Variants in ALS2CL observed in about 807,000 individuals in gnomAD.
ALS2CL encodes the protein ALS2 C-terminal like, also known as ALS2 C-terminal-like protein.
Under a neutral mutation model 127.9 loss-of-function variants are expected in ALS2CL, and 112 were observed. That is an observed-to-expected ratio of 0.88 (90% CI 0.75 to 1.02). The LOEUF (loss-of-function observed/expected upper bound fraction) is 1.02, where lower values mean the gene tolerates loss of function less well. Among genes scored for constraint, ALS2CL ranks in the 50% least tolerant of loss-of-function variants. ALS2CL has a pLI of 0.00. For synonymous variants in ALS2CL, 519 were observed against 527.6 expected (o/e 0.98, Z 0.22); for missense variants, 1,174 against 1,236.7 (o/e 0.95, Z 0.76).
In ALS2CL at chr3:46,682,110, G is replaced by A. The variant is rs369201148; in HGVS notation, c.1110-16C>T. The A allele has an allele frequency of 9.3e-6, 15 of 1,613,146 alleles. No homozygotes were observed. Among genetic ancestry groups the A allele is most frequent in the Admixed American group, 6.7e-5 (4 of 59,910 alleles). On this transcript the variant is annotated splice_polypyrimidine_tract_variant and intron_variant, in intron 10 of 25. Coordinates refer to ENST00000318962, the MANE Select transcript of ALS2CL (RefSeq NM_147129.5). ...CAGGGTTCCCCTGGAACACAGTGGA[G>A]GTTCACGAGCCTCAGGCCTACCCAC...
chr3:46,687,116 C>A lies in ALS2CL; in HGVS notation c.401G>T (p.Arg134Leu). Reference protein sequence around the residue: ...EYWRGQRKALRQLLSGVSSEG... With the variant: ...EYWRGQRKALLQLLSGVSSEG... ...TGAGCTCACACCTGAAAGCAGCTGCCGCAGCGCCTTCCGCTGGCCCCGCCA... is the reference window on the plus strand; with the variant it reads ...TGAGCTCACACCTGAAAGCAGCTGCAGCAGCGCCTTCCGCTGGCCCCGCCA... Residue 134 changes from arginine (R) to leucine (L), a missense_variant, in exon 5 of 26, where the codon CGG (arginine) becomes CTG (leucine). Physicochemically the swap from Arg to Leu is moderately radical, Grantham distance 102. Transcript: ENST00000318962. 1 of 1,562,028 alleles carries A rather than the reference C, an allele frequency of 6.4e-7. No individual in the cohort carries two copies. The highest frequency in any genetic ancestry group is 8.6e-7 in the Non-Finnish European group (1 of 1,161,512).
At chr3:46,683,746 C>T (rs748346298) in intron 9 of ALS2CL, 36 bp downstream of exon 9, 2 of 1,610,102 alleles carry the variant, frequency 1.2e-6, no homozygotes, top group Non-Finnish European at 1.7e-6. Flanking sequence ...TGTCCTCTGA[C>T]CCCGCTCCCG....
rs7426833 is a variant in ALS2CL, at chr3:46,687,414, C to G, written c.368+205G>C. Reference sequence around the variant, plus strand: ...CGCCCCAAGGCCAGCCCAGCTAGAGCGGGTCTGGATTCTGTTCCTGGCCTC... The same window carrying G: ...CGCCCCAAGGCCAGCCCAGCTAGAGGGGGTCTGGATTCTGTTCCTGGCCTC... On this transcript the variant is annotated intron_variant, in intron 4 of 25. Transcript: ENST00000318962. Among the ~76,000 whole-genome samples the G allele has an allele frequency of 6.6e-5, 10 of 152,216 alleles. No homozygotes were observed. The East Asian group carries it at 1.4e-3, about 21-fold the overall frequency.
At chr3:46,688,321 G>C (rs1295120822) in intron 2 of ALS2CL, 25 bp from the exon 3 acceptor site, 2 of 1,604,900 alleles carry the variant, frequency 1.2e-6, no homozygotes, top group African/African-American at 2.7e-5. Context: ...CAGTCACACT[G>C]TGAGTAGAGG....
intron 10 of ALS2CL, among the ~76,000 whole-genome samples, chr3:46,682,565 C>T (rs1699438497): frequency 6.6e-6 from 1 of 152,202 alleles, no homozygotes; most frequent in Non-Finnish European, 1.5e-5. Flanking sequence ...CCCTTCTGCT[C>T]TCTGGGTCTG....
intron 1 of ALS2CL, among the ~76,000 whole-genome samples, chr3:46,692,354 C>A (rs1262898334): frequency 6.6e-6 from 1 of 151,932 alleles, no homozygotes; most frequent in Non-Finnish European, 1.5e-5. Flanking sequence ...GTACCCCCCT[C>A]CCCAACCCCT....
intron 19 of ALS2CL, 116 bp downstream of exon 19, chr3:46,676,129 G>A (rs2106698409): frequency 6.8e-7 from 1 of 1,466,616 alleles, no homozygotes; most frequent in Non-Finnish European, 9.1e-7. Flanking sequence ...CAAGCCTCTG[G>A]TTCATTGTTG....
chr3:46,681,123 G>T lies in ALS2CL; in HGVS notation c.1436+123C>A. The T allele has an allele frequency of 1.4e-6, 2 of 1,457,944 alleles. No homozygotes were observed. Among genetic ancestry groups the T allele is most frequent in the Non-Finnish European group, 1.9e-6 (2 of 1,045,828 alleles). The allele number at this position is 1,457,944 out of a possible 1,614,324, so 90.3% of individuals were successfully genotyped here. On this transcript the variant is annotated intron_variant, in intron 13 of 25. Transcript: ENST00000318962. This position sits in a 1 kb window ranked among gnomAD's most constrained non-coding sequence, Gnocchi z 4.9. ...CCGCAGCAACCGAGGGACTGGAGGG[G>T]AAGTGAGGGGCTTAAGAGAGACACA... is the stretch of plus-strand genomic sequence containing the variant.
intron 2 of ALS2CL, 88 bp downstream of exon 2, chr3:46,689,250 T>A (rs1237037093): frequency 7.4e-7 from 1 of 1,352,702 alleles, no homozygotes; most frequent in Non-Finnish European, 1.0e-6. Context: ...GAGAAAGCTG[T>A]GGCTCAGCAA....
Position 46,686,298 on chromosome 3 carries a change from C to T in ALS2CL, c.666+10G>A, listed in dbSNP as rs1436399205. ...CCCCTCCCTAACTGCCCCTCAGGCC[C>T]CCAACTCACCCTCAGCCGGCCTCTC... On this transcript the variant is annotated intron_variant, in intron 6 of 25. Coordinates refer to ENST00000318962, the MANE Select transcript of ALS2CL (RefSeq NM_147129.5). This position sits in a 1 kb window ranked among gnomAD's most constrained non-coding sequence, Gnocchi z 4.3. 1 of 1,603,722 alleles carries T rather than the reference C, an allele frequency of 6.2e-7. No homozygotes were observed. The highest frequency in any genetic ancestry group is 1.3e-5 in the African/African-American group (1 of 74,626).
At chr3:46,673,304 G>T in intron 22 of ALS2CL, 35 bp downstream of exon 22, 1 of 1,551,630 alleles carries the variant, frequency 6.4e-7, no homozygotes. Flanking sequence ...GGACCTCTGG[G>T]GGCCCCTGGC....
rs563905307 is a variant in ALS2CL at position 46,677,093 on chromosome 3, G to A, written c.1758-71C>T. The A allele has an allele frequency of 2.6e-3, 3,980 of 1,517,852 alleles. 9 individuals carry two copies. The highest frequency in any genetic ancestry group is 3.2e-3 in the Non-Finnish European group (3,626 of 1,139,914). 94.0% of individuals were successfully genotyped at this position (1,517,852 alleles called of 1,614,324 possible). ...GCTGAGGTAGGCAGGACTCTGCCCA[G>A]GCCCTTGGAGGGGTGGGGGTATGAG... On this transcript the variant is annotated intron_variant, in intron 16 of 25. Transcript: ENST00000318962.
chr3:46,687,010 C>G lies in ALS2CL; in HGVS notation c.507G>C (p.Leu169=), dbSNP rs567180666. ...AHHVQQYVLL[L]LSLGDTIGEH... ...CCCCAATGGTGTCCCCGAGGCTCAGCAGGAGGAGCACGTACTGTTGCACGT... is the reference window on the plus strand; with the variant it reads ...CCCCAATGGTGTCCCCGAGGCTCAGGAGGAGGAGCACGTACTGTTGCACGT... Residue 169 remains leucine (L), a synonymous_variant, in exon 5 of 26, where the codon CTG becomes CTC. Transcript: ENST00000318962. 1.4e-5 allele frequency: 22 copies of G among 1,602,354 alleles called. No individual in the cohort carries two copies. Among genetic ancestry groups the G allele is most frequent in the South Asian group, 4.4e-5 (4 of 90,152 alleles).
chr3:46,687,254 C>G, intron 4 of ALS2CL, 106 bp from the exon 5 acceptor site: 2 of 1,299,088 alleles, frequency 1.5e-6, no homozygotes, highest in Non-Finnish European at 2.0e-6. Flanking sequence ...CAGGGCCAGC[C>G]CCAGGCCCAA....
rs560489794 is a variant in ALS2CL at position 46,686,280 on chromosome 3, C to T, written c.666+28G>A. 4.0e-5 allele frequency: 63 copies of T among 1,585,066 alleles called. No homozygotes were observed. In the South Asian group the frequency reaches 7.0e-4, roughly 18 times the overall value. On this transcript the variant is annotated intron_variant, in intron 6 of 25. Coordinates refer to ENST00000318962, the MANE Select transcript of ALS2CL (RefSeq NM_147129.5). This position sits in a 1 kb window ranked among gnomAD's most constrained non-coding sequence, Gnocchi z 4.3. ...CCATGCCCAATGTGGAACCCCCTCC[C>T]TAACTGCCCCTCAGGCCCCCAACTC...
At chr3:46,675,806 G>A (rs1035008793) in intron 19 of ALS2CL, 120 bp from the exon 20 acceptor site, 7 of 1,537,246 alleles carry the variant, frequency 4.6e-6, no homozygotes, top group Non-Finnish European at 6.1e-6. Flanking sequence ...GGCCTGCAGG[G>A]TTCATCCTCT....
intron 1 of ALS2CL, among the ~76,000 whole-genome samples, chr3:46,689,678 G>A (rs1700039783): frequency 6.6e-6 from 1 of 152,234 alleles, no homozygotes; most frequent in African/African-American, 2.4e-5. Flanking sequence ...CTGAAGGAGA[G>A]AGAGAGCTCA....
At chr3:46,671,650 A>G in intron 24 of ALS2CL, 66 bp from the exon 25 acceptor site, 1 of 1,610,542 alleles carries the variant, frequency 6.2e-7, no homozygotes, top group South Asian at 1.1e-5. Flanking sequence ...GCGGACAGGC[A>G]GCTGGGGAAG....
chr3:46,670,238 CT>C lies in ALS2CL; in HGVS notation c.*745del, dbSNP rs1466784552. 6.6e-6 allele frequency: 1 copy of C among 152,290 alleles called. No homozygotes were observed. Among genetic ancestry groups the C allele is most frequent in the Non-Finnish European group, 1.5e-5 (1 of 68,086 alleles). The allele number at this position is 152,290 out of a possible 1,614,324, so 9.4% of individuals were successfully genotyped here. A position where few individuals can be genotyped will look rare whatever the true frequency, so the allele number is the denominator to read the frequency against. On this transcript the variant is annotated 3_prime_UTR_variant, in exon 26 of 26. Coordinates refer to ENST00000318962, the MANE Select transcript of ALS2CL (RefSeq NM_147129.5). The surrounding 1 kb of genome is among the most constrained non-coding windows in gnomAD (Gnocchi z 5.5). ...ACCACTGTTTAAATAAAGTCCTCCC[CT>C]CCCAAAGGTACTCCTGCTCCCCAAC...
Sources: allele counts gnomAD v4.1 joint callset (sites outside exome capture counted in the v4.1 genomes callset), GRCh38; gene constraint gnomAD v4.1.1; non-coding constraint Gnocchi (gnomAD v3.1); transcripts MANE v1.5; gene names NCBI Gene and HGNC (gene_info 2026-07-23, HGNC 2026-07-21).